Variants in SEM1 observed in about 807,000 individuals in gnomAD.
SEM1 encodes the protein SEM1 26S proteasome subunit, also known as 26S proteasome complex subunit SEM1.
In SEM1, 3 loss-of-function variants were observed where a neutral mutation model predicts 12.7. That is an observed-to-expected ratio of 0.24 (90% CI 0.11 to 0.61). The LOEUF is 0.61. Ranked by LOEUF, SEM1 falls within the 20% of genes least tolerant of loss-of-function variation. The probability of loss-of-function intolerance (pLI) is 0.88; values close to 1 mark genes in which losing one functional copy is unlikely to be tolerated. For missense variants in SEM1, 59 were observed against 81.3 expected (o/e 0.73, Z 1.06); for synonymous variants, 30 against 27.8 (o/e 1.08, Z -0.25).
intron 2 of SEM1, among the ~76,000 whole-genome samples, chr7:96,565,537 A>G (rs892363870): frequency 6.6e-6 from 1 of 151,958 alleles, no homozygotes; most frequent in Non-Finnish European, 1.5e-5. Context: ...TTTATGTTCC[A>G]GAGATAAATT....
chr7:96,676,973 A>G (rs1789464699), intron 2 of SEM1, among the ~76,000 whole-genome samples: 1 of 152,164 alleles, frequency 6.6e-6, no homozygotes, highest in Non-Finnish European at 1.5e-5. Context: ...CATTCCCCAT[A>G]AAAGAAAATT....
In SEM1 at chr7:96,539,995, TATA is replaced by T. The variant is rs1233853384; in HGVS notation, c.171-33300_171-33298del. 8.0e-5 allele frequency among the ~76,000 whole-genome samples: 12 copies of T among 150,408 alleles called. No homozygotes were observed. In the East Asian group the frequency reaches 1.4e-3, roughly 17 times the overall value. Reference sequence around the variant, plus strand: ...TTATAATATATAAATAGGTTATAAATATAATAAGAATTATAAAAATAAGTTATA... The same window carrying T: ...TTATAATATATAAATAGGTTATAAATATAAGAATTATAAAAATAAGTTATA... On this transcript the variant is annotated intron_variant and NMD_transcript_variant, in intron 2 of 3. Transcript: ENST00000466986.
intron 2 of SEM1, among the ~76,000 whole-genome samples, chr7:96,680,908 C>CA (rs564044880): frequency 5.6e-4 from 85 of 152,068 alleles, no homozygotes; most frequent in African/African-American, 1.9e-3. Flanking sequence ...CAGCAGTGAA[C>CA]AAAAAATCAG....
At chr7:96,642,898 A>G (rs556460182) in intron 2 of SEM1, among the ~76,000 whole-genome samples, 4 of 151,828 alleles carry the variant, frequency 2.6e-5, no homozygotes, top group Non-Finnish European at 4.4e-5. Flanking sequence ...TTATGTTTCT[A>G]TGGGCCCTAA....
At chr7:96,513,970 C>T (rs1051235538) in intron 2 of SEM1, among the ~76,000 whole-genome samples, 1 of 151,904 alleles carries the variant, frequency 6.6e-6, no homozygotes, top group South Asian at 2.1e-4. Context: ...ACTCCCATAT[C>T]AATTCATACA....
At chr7:96,668,957 T>C (rs561401628), downstream of SEM1, among the ~76,000 whole-genome samples, 8 of 152,252 alleles carry the variant, frequency 5.3e-5, no homozygotes, top group South Asian at 1.7e-3. Context: ...ACTGAAGTTA[T>C]ACAGCTGCAA....
intron 2 of SEM1, among the ~76,000 whole-genome samples, chr7:96,675,018 C>G (rs1378172698): frequency 1.3e-5 from 2 of 152,152 alleles, no homozygotes; most frequent in Non-Finnish European, 2.9e-5. Flanking sequence ...TCAGCCCACC[C>G]AACAGGCAGC....
chr7:96,624,835 G>A (rs114217723), intron 2 of SEM1, among the ~76,000 whole-genome samples: 5 of 152,246 alleles, frequency 3.3e-5, no homozygotes, highest in African/African-American at 1.2e-4. Flanking sequence ...GGCTGCAATG[G>A]GGTGATAGGG....
At chr7:96,580,759 A>G (rs1806370949) in intron 2 of SEM1, among the ~76,000 whole-genome samples, 1 of 152,008 alleles carries the variant, frequency 6.6e-6, no homozygotes, top group Non-Finnish European at 1.5e-5. Flanking sequence ...TTGGCTGCAT[A>G]AATGTCTTCT....
chr7:96,548,348 T>C (rs934450127), intron 2 of SEM1, among the ~76,000 whole-genome samples: 3 of 152,226 alleles, frequency 2.0e-5, no homozygotes, highest in Non-Finnish European at 4.4e-5. Context: ...TAATTCCCTA[T>C]TAATATCTTT....
chr7:96,545,891 A>T (rs533227515), intron 2 of SEM1, among the ~76,000 whole-genome samples: 1 of 152,228 alleles, frequency 6.6e-6, no homozygotes, highest in South Asian at 2.1e-4. Flanking sequence ...TAGTTGATAT[A>T]GCAATGCTAT....
chr7:96,569,730 C>G (rs1805958164), intron 2 of SEM1, among the ~76,000 whole-genome samples: 1 of 151,968 alleles, frequency 6.6e-6, no homozygotes, highest in South Asian at 2.1e-4. Flanking sequence ...GCCCATTATT[C>G]CACTCTAGAT....
At chr7:96,535,914 T>C (rs778750010) in intron 2 of SEM1, among the ~76,000 whole-genome samples, 6 of 151,976 alleles carry the variant, frequency 3.9e-5, no homozygotes, top group African/African-American at 7.2e-5. Context: ...AGTGCTGCAA[T>C]GAACATACAA....
chr7:96,578,565 A>G (rs1367534678), intron 2 of SEM1, among the ~76,000 whole-genome samples: 2 of 152,226 alleles, frequency 1.3e-5, no homozygotes, highest in East Asian at 3.8e-4. Context: ...AAAAAATTCT[A>G]AGAGAAGAAT....
At chr7:96,529,628 T>C (rs531968941) in intron 2 of SEM1, among the ~76,000 whole-genome samples, 10 of 149,222 alleles carry the variant, frequency 6.7e-5, no homozygotes, top group Non-Finnish European at 1.3e-4. Flanking sequence ...AAAAAAAAAA[T>C]TGTAGTTCTT....
downstream of SEM1, among the ~76,000 whole-genome samples, chr7:96,620,121 C>G (rs897901503): frequency 3.9e-5 from 6 of 152,106 alleles, no homozygotes; most frequent in Non-Finnish European, 7.4e-5. Flanking sequence ...GCGGCCTGAA[C>G]TTAGCCTGAG....
At chr7:96,534,336 T>C (rs934368738) in intron 2 of SEM1, among the ~76,000 whole-genome samples, 1 of 152,082 alleles carries the variant, frequency 6.6e-6, no homozygotes, top group African/African-American at 2.4e-5. Context: ...CTGATAAGAC[T>C]GGTGTGATAG....
At chr7:96,511,084 C>T (rs1483122900) in intron 2 of SEM1, among the ~76,000 whole-genome samples, 3 of 151,990 alleles carry the variant, frequency 2.0e-5, no homozygotes, top group Non-Finnish European at 4.4e-5. Context: ...AAGCAAACGT[C>T]CTTGGTAGAC....
chr7:96,632,641 G>A (rs1449280435), intron 2 of SEM1, among the ~76,000 whole-genome samples: 3 of 151,972 alleles, frequency 2.0e-5, no homozygotes, highest in Non-Finnish European at 2.9e-5. Flanking sequence ...ACCATGGCAC[G>A]TGTATACCTA....
Sources: allele counts gnomAD v4.1 joint callset (sites outside exome capture counted in the v4.1 genomes callset), GRCh38; gene constraint gnomAD v4.1.1; transcripts MANE v1.5; gene names NCBI Gene and HGNC (gene_info 2026-07-23, HGNC 2026-07-21).